The following CYP46A1 variants were observed in gnomAD, a reference collection of about 807,000 sequenced individuals.
The protein encoded by CYP46A1 is cholesterol 24-hydroxylase.
CYP46A1 carries 20 observed loss-of-function variants against 63.3 expected under a neutral mutation model. That is an observed-to-expected ratio of 0.32 (90% confidence interval 0.22 to 0.46). The LOEUF is 0.46. CYP46A1 is among the 20% of genes least tolerant of loss of function. The pLI, the probability that CYP46A1 is intolerant of heterozygous loss-of-function variation, is 1.00. For synonymous variants in CYP46A1, 268 were observed against 273.6 expected, an observed-to-expected ratio of 0.98 and a Z score of 0.20; for missense variants, 445 against 670.8, an observed-to-expected ratio of 0.66 and a Z score of 3.72.
At chr14:99,700,229 A>G (rs1595190221) in intron 5 of CYP46A1, 128 bp downstream of exon 5, 1 of 524,070 alleles carries the variant, frequency 1.9e-6, no homozygotes, top group Admixed American at 3.7e-5. Context: ...GGGAGAGAGG[A>G]AAAAGGGGAA....
At chr14:99,696,888 A>T (rs960450459) in intron 3 of CYP46A1, among the ~76,000 whole-genome samples, 2 of 152,204 alleles carry the variant, frequency 1.3e-5, no homozygotes, top group Admixed American at 1.3e-4. Flanking sequence ...TTACTTGCAG[A>T]TCAGTTTGAT....
At chr14:99,684,669 A>G (rs2056474571) in intron 1 of CYP46A1, 133 bp downstream of exon 1, 4 of 727,458 alleles carry the variant, frequency 5.5e-6, no homozygotes, top group Non-Finnish European at 2.4e-6. Context: ...GGCGGCCCCG[A>G]GAGGGGCGCT....
Position 99,715,833 on chromosome 14 carries a change from G to T in CYP46A1, c.717G>T (p.Gln239His). 6.2e-7 allele frequency: 1 copy of T among 1,614,150 alleles called. No homozygotes were observed. Among genetic ancestry groups the T allele is most frequent in the Non-Finnish European group, 8.5e-7 (1 of 1,179,990 alleles). The change falls in exon 8 of 15, where the codon CAG (glutamine) becomes CAT (histidine). Residue 239 changes from glutamine (Q) to histidine (H), a missense_variant. Around this residue, in one of 4 missense-constraint regions of CYP46A1, gnomAD observed 252 missense variants for 383.3 expected, o/e 0.66. Coordinates refer to ENST00000261835, the MANE Select transcript of CYP46A1 (RefSeq NM_006668.2). ...AGTTCCTGCCAGGGAAGAGGAAGCA[G>T]CTCCGGGAGGTCCGGGAGAGCATTC... ...LAKFLPGKRK[Q>H]LREVRESIRF...
At chr14:99,698,716 G>T (rs1447411879) in intron 3 of CYP46A1, among the ~76,000 whole-genome samples, 1 of 152,184 alleles carries the variant, frequency 6.6e-6, no homozygotes, top group African/African-American at 2.4e-5. Context: ...TTAGCATGTG[G>T]TGCAGCAGGG....
At chr14:99,713,865 CAAAAAAAAAA>C (rs71113218) in intron 7 of CYP46A1, among the ~76,000 whole-genome samples, 1 of 67,568 alleles carries the variant, frequency 1.5e-5, no homozygotes, top group Non-Finnish European at 2.7e-5. Flanking sequence ...GACTCCATCT[CAAAAAAAAAA>C]AAAAAAAAAA....
intron 10 of CYP46A1, 89 bp from the exon 11 acceptor site, chr14:99,721,150 C>T (rs1323476804): frequency 9.7e-5 from 87 of 898,352 alleles, no homozygotes; most frequent in Non-Finnish European, 2.4e-5. Context: ...TCTCTCTTCA[C>T]GCTTCCTTCC....
chr14:99,722,098 G>A lies in CYP46A1; in HGVS notation c.1176+32G>A. On this transcript the variant is annotated intron_variant, in intron 12 of 14. Transcript: ENST00000261835. This position sits in a 1 kb window ranked among gnomAD's most constrained non-coding sequence, Gnocchi z 4.6. ...GGAGGCCCTGGGGGTCCTGGGGTGGGCTGGGCTGCTTGCCCCAATGGTGGT... is the reference window on the plus strand; with the variant it reads ...GGAGGCCCTGGGGGTCCTGGGGTGGACTGGGCTGCTTGCCCCAATGGTGGT... The A allele has an allele frequency of 6.4e-7, 1 of 1,551,626 alleles. No individual in the cohort carries two copies. The highest frequency in any genetic ancestry group is 1.1e-5 in the South Asian group (1 of 89,592).
intron 10 of CYP46A1, among the ~76,000 whole-genome samples, chr14:99,720,046 G>C (rs1290514908): frequency 6.6e-6 from 1 of 151,958 alleles, no homozygotes; most frequent in Non-Finnish European, 1.5e-5. Flanking sequence ...ACAGGCATGA[G>C]CCACCGTGCC....
In CYP46A1 at chr14:99,699,921, C is replaced by T. The variant is rs1347292179; in HGVS notation, c.357-94C>T. 8.7e-6 allele frequency: 8 copies of T among 919,026 alleles called. No individual in the cohort carries two copies. In the East Asian group the frequency reaches 1.3e-4, roughly 15 times the overall value. The allele number at this position is 919,026 out of a possible 1,614,324, so 56.9% of individuals were successfully genotyped here. On this transcript the variant is annotated intron_variant, in intron 4 of 14. Coordinates refer to ENST00000261835, the MANE Select transcript of CYP46A1 (RefSeq NM_006668.2). Reference sequence around the variant, plus strand: ...CGTCGCCACCGCCTAGCTCCAATACCGTTTCCTCATCCCAAAATATGACCC... The same window carrying T: ...CGTCGCCACCGCCTAGCTCCAATACTGTTTCCTCATCCCAAAATATGACCC...
chr14:99,703,284 G>A (rs1449717895), intron 5 of CYP46A1, among the ~76,000 whole-genome samples: 1 of 152,188 alleles, frequency 6.6e-6, no homozygotes, highest in African/African-American at 2.4e-5. Context: ...GTGGAGAACT[G>A]TATAAACATC....
chr14:99,699,434 T>C, intron 3 of CYP46A1, 32 bp from the exon 4 acceptor site: 3 of 1,606,192 alleles, frequency 1.9e-6, no homozygotes, highest in African/African-American at 1.3e-5. Flanking sequence ...CATGGGTGCA[T>C]GAGCCTATGT....
At chr14:99,715,305 A>T (rs2056777777) in intron 7 of CYP46A1, among the ~76,000 whole-genome samples, 1 of 152,210 alleles carries the variant, frequency 6.6e-6, no homozygotes. Flanking sequence ...TTTTAAAAAG[A>T]TGGCTGCTGC....
chr14:99,726,590 C>T lies in CYP46A1; in HGVS notation c.1366C>T (p.Gln456Ter). The T allele has an allele frequency of 6.3e-7, 1 of 1,592,746 alleles. No individual in the cohort carries two copies. The highest frequency in any genetic ancestry group is 8.5e-7 in the Non-Finnish European group (1 of 1,171,310). ...GAAGGTGGTCATGGCAAAGCTGCTG[C>T]AGAGGCTGGAGTTCCGGCTGGTGCC... ...EVKVVMAKLLQRLEFRLVPGQ... is the reference protein window; with the variant it reads ...EVKVVMAKLL The change falls in exon 15 of 15, where the codon CAG (glutamine) becomes TAG (stop). Residue 456 changes from glutamine to a stop codon, truncating the protein, a stop_gained. Coordinates refer to ENST00000261835, the MANE Select transcript of CYP46A1 (RefSeq NM_006668.2). LOFTEE classifies it high-confidence loss of function.
chr14:99,694,899 A>AT (rs1034277182), intron 3 of CYP46A1, among the ~76,000 whole-genome samples: 4 of 152,032 alleles, frequency 2.6e-5, no homozygotes, highest in African/African-American at 4.8e-5. Flanking sequence ...GATTTTAGAC[A>AT]TTTTTTCTGT....
Position 99,722,075 on chromosome 14 carries a change from A to C in CYP46A1, c.1176+9A>C. On this transcript the variant is annotated intron_variant, in intron 12 of 14. Transcript: ENST00000261835. The surrounding 1 kb of genome is among the most constrained non-coding windows in gnomAD (Gnocchi z 4.6). ...GCAACACCCCGCTCTTGGTGGGTGGAGGCCCTGGGGGTCCTGGGGTGGGCT... is the reference window on the plus strand; with the variant it reads ...GCAACACCCCGCTCTTGGTGGGTGGCGGCCCTGGGGGTCCTGGGGTGGGCT... 6.2e-7 allele frequency: 1 copy of C among 1,603,150 alleles called. No homozygotes were observed. The highest frequency in any genetic ancestry group is 8.5e-7 in the Non-Finnish European group (1 of 1,172,940).
chr14:99,693,959 T>C lies in CYP46A1; in HGVS notation c.282+2098T>C, dbSNP rs143520273. Among the ~76,000 whole-genome samples, 464 of 152,300 alleles carry C rather than the reference T, an allele frequency of 3.0e-3. 2 individuals carry two copies. Among genetic ancestry groups the C allele is most frequent in the African/African-American group, 0.011 (448 of 41,546 alleles). On this transcript the variant is annotated intron_variant, in intron 3 of 14. Coordinates refer to ENST00000261835, the MANE Select transcript of CYP46A1 (RefSeq NM_006668.2). ...TTTTCATCTTCCCTAACTGAAACTGTGTATCAGTTAAACAATAACTCCCCA... is the reference window on the plus strand; with the variant it reads ...TTTTCATCTTCCCTAACTGAAACTGCGTATCAGTTAAACAATAACTCCCCA...
intron 1 of CYP46A1, among the ~76,000 whole-genome samples, chr14:99,688,696 C>T (rs1221031921): frequency 2.0e-5 from 3 of 152,190 alleles, no homozygotes; most frequent in African/African-American, 4.8e-5. Flanking sequence ...CTGTAGCTGC[C>T]GCCCCCTATG....
chr14:99,720,459 C>CTTT lies in CYP46A1; in HGVS notation c.981-764_981-762dup, dbSNP rs34168201. 7.5e-4 allele frequency among the ~76,000 whole-genome samples: 95 copies of CTTT among 127,334 alleles called. 2 individuals carry two copies. The highest frequency in any genetic ancestry group is 1.7e-3 in the African/African-American group (56 of 33,796). The allele number at this position is 127,334 out of a possible 152,430, so 83.5% of individuals were successfully genotyped here. The stretch of plus-strand genomic sequence containing the variant: ...GAGTATGAAGTGGTCCAGATCCACT[C>CTTT]TTTTTTTTTTTTTTTTTTGAGACGG... On this transcript the variant is annotated intron_variant, in intron 10 of 14. Transcript: ENST00000261835.
Position 99,727,141 on chromosome 14 carries a change from C to T in CYP46A1, c.*414C>T, listed in dbSNP as rs565708040. 50 of 186,808 alleles carry T rather than the reference C, an allele frequency of 2.7e-4. No homozygotes were observed. The highest frequency in any genetic ancestry group is 4.2e-3 in the Middle Eastern group (2 of 478). 11.6% of individuals were successfully genotyped at this position (186,808 alleles called of 1,614,324 possible). A position where few individuals can be genotyped will look rare whatever the true frequency, so the allele number is the denominator to read the frequency against. ...CACCTGTGCTACCTCTAACACCACA[C>T]TGACCACACTGTATCGTGAGTGTCC... On this transcript the variant is annotated 3_prime_UTR_variant, in exon 15 of 15. Coordinates refer to ENST00000261835, the MANE Select transcript of CYP46A1 (RefSeq NM_006668.2).
Sources: allele counts gnomAD v4.1 joint callset (sites outside exome capture counted in the v4.1 genomes callset), GRCh38; gene constraint gnomAD v4.1.1; regional missense constraint gnomAD v4.1.1; non-coding constraint Gnocchi (gnomAD v3.1); transcripts MANE v1.5; gene names NCBI Gene and HGNC (gene_info 2026-07-23, HGNC 2026-07-21).